ELOVL2: variants seen among roughly 807,000 people sequenced by gnomAD.
The protein encoded by ELOVL2 is very long chain fatty acid elongase 2.
A neutral mutation model predicts 37.7 loss-of-function variants in ELOVL2; 38 were observed. That is an observed-to-expected ratio of 1.01 (90% CI 0.78 to 1.32). The LOEUF is 1.32. ELOVL2 is among the 40% of genes most tolerant of loss of function. The probability of loss-of-function intolerance (pLI) is 0.00; values close to 1 mark genes in which losing one functional copy is unlikely to be tolerated. For synonymous variants in ELOVL2, 115 were observed against 122.3 expected, an observed-to-expected ratio of 0.94 and a Z score of 0.40; for missense variants, 352 against 363.6, an observed-to-expected ratio of 0.97 and a Z score of 0.26.
At chr6:11,035,990 T>C (rs565851055) in intron 1 of ELOVL2, among the ~76,000 whole-genome samples, 17 of 152,206 alleles carry the variant, frequency 1.1e-4, no homozygotes, top group Non-Finnish European at 1.9e-4. Context: ...TTAAAGAATA[T>C]GTATTCAACG....
chr6:11,023,003 T>A (rs1782788316), intron 1 of ELOVL2, among the ~76,000 whole-genome samples: 1 of 152,218 alleles, frequency 6.6e-6, no homozygotes. Context: ...AAGCTTCAAT[T>A]TCATAATTAG....
At chr6:10,996,373 T>C (rs1374768323) in intron 4 of ELOVL2, among the ~76,000 whole-genome samples, 1 of 152,234 alleles carries the variant, frequency 6.6e-6, no homozygotes, top group East Asian at 1.9e-4. Context: ...GAAATCACTA[T>C]ATCTTACTTT....
At chr6:11,012,096 C>CTTATT (rs1194906592) in intron 1 of ELOVL2, among the ~76,000 whole-genome samples, 2 of 152,190 alleles carry the variant, frequency 1.3e-5, no homozygotes, top group Non-Finnish European at 2.9e-5. Context: ...GGACCTATTC[C>CTTATT]TTATTTGTGA....
chr6:10,998,735 C>G (rs12332786), intron 4 of ELOVL2, among the ~76,000 whole-genome samples: 3,470 of 152,094 alleles, frequency 0.023, 153 homozygotes, highest in East Asian at 0.19. Context: ...AGGAAGAGGC[C>G]CATTATCTAA....
chr6:10,996,218 A>T (rs1219535076), intron 4 of ELOVL2, among the ~76,000 whole-genome samples: 1 of 152,236 alleles, frequency 6.6e-6, no homozygotes, highest in Non-Finnish European at 1.5e-5. Flanking sequence ...GACCATCATA[A>T]GGTACGGCCG....
At chr6:11,042,126 A>T (rs1327876912) in intron 1 of ELOVL2, among the ~76,000 whole-genome samples, 1 of 152,154 alleles carries the variant, frequency 6.6e-6, no homozygotes, top group Non-Finnish European at 1.5e-5. Flanking sequence ...CAAACTGGAC[A>T]ACATGGTGAA....
intron 1 of ELOVL2, among the ~76,000 whole-genome samples, chr6:11,042,966 G>A (rs995059671): frequency 6.6e-6 from 1 of 152,174 alleles, no homozygotes; most frequent in African/African-American, 2.4e-5. Context: ...TTCTGGTAGA[G>A]GAGACGTTCA....
intron 3 of ELOVL2, among the ~76,000 whole-genome samples, chr6:11,001,085 T>C (rs989681737): frequency 3.3e-5 from 5 of 152,216 alleles, no homozygotes; most frequent in African/African-American, 1.2e-4. Flanking sequence ...TCTGCTGCCT[T>C]AGAGATGTAT....
intron 1 of ELOVL2, among the ~76,000 whole-genome samples, chr6:11,023,083 T>C (rs1056289819): frequency 1.3e-5 from 2 of 152,244 alleles, no homozygotes; most frequent in African/African-American, 4.8e-5. Flanking sequence ...CTGCTAAGTT[T>C]GCAGTTCAAG....
intron 1 of ELOVL2, among the ~76,000 whole-genome samples, chr6:11,026,032 T>C (rs1029914260): frequency 5.9e-5 from 9 of 152,162 alleles, no homozygotes; most frequent in African/African-American, 4.8e-5. Context: ...GAAACATTCC[T>C]GAGTTTCCTA....
intron 3 of ELOVL2, among the ~76,000 whole-genome samples, chr6:11,001,520 G>T (rs1782381762): frequency 6.6e-6 from 1 of 152,156 alleles, no homozygotes; most frequent in Admixed American, 6.5e-5. Flanking sequence ...TTAACTTTGT[G>T]TACAAGGATT....
At chr6:10,989,976 G>GC (rs2113472699) in intron 6 of ELOVL2, 139 bp from the exon 7 acceptor site, 2 of 956,954 alleles carry the variant, frequency 2.1e-6, no homozygotes, top group East Asian at 2.8e-5. Flanking sequence ...TGCTGAAGCA[G>GC]CCCCCTCATC....
intron 1 of ELOVL2, among the ~76,000 whole-genome samples, chr6:11,038,317 G>A (rs917977412): frequency 1.3e-5 from 2 of 152,038 alleles, no homozygotes; most frequent in African/African-American, 2.4e-5. Context: ...ACACATATAT[G>A]TAAAGTAAAA....
intron 1 of ELOVL2, among the ~76,000 whole-genome samples, chr6:11,029,223 C>CAAAA (rs376639413): frequency 0.015 from 1,130 of 75,724 alleles, 47 homozygotes; most frequent in African/African-American, 0.018. Context: ...AGGGAGATCT[C>CAAAA]AAAAAAAAAA....
At chr6:10,998,754 A>ATCT (rs1191046036) in intron 4 of ELOVL2, among the ~76,000 whole-genome samples, 2 of 152,276 alleles carry the variant, frequency 1.3e-5, no homozygotes, top group African/African-American at 4.8e-5. Flanking sequence ...AAGAAACCTA[A>ATCT]TCTTTTCTGG....
chr6:11,041,211 T>C (rs1370008581), intron 1 of ELOVL2, among the ~76,000 whole-genome samples: 2 of 152,214 alleles, frequency 1.3e-5, no homozygotes, highest in East Asian at 3.8e-4. Flanking sequence ...AGATGATACA[T>C]ATCCAACTGT....
intron 3 of ELOVL2, among the ~76,000 whole-genome samples, chr6:11,005,033 C>G (rs143274995): frequency 6.6e-6 from 1 of 152,134 alleles, no homozygotes; most frequent in Non-Finnish European, 1.5e-5. Flanking sequence ...GTGGGGAGTA[C>G]CTGTAATCCC....
At position 11,005,503 on chromosome 6, in the gene ELOVL2, T is replaced by A; in HGVS notation, c.124A>T (p.Thr42Ser). ...LDSYLPTFFL[T>S]VMYLLSIWLG... ...CATATTGAGAGCAGATACATGACAG[T>A]AAGAAAAAAGGTAGGAAGGTAAGAG... The change falls in exon 3 of 8, where the codon ACT (threonine) becomes TCT (serine). Residue 42 changes from threonine (T) to serine (S), a missense_variant. Coordinates refer to ENST00000354666, the MANE Select transcript of ELOVL2 (RefSeq NM_017770.4). 6.2e-7 allele frequency: 1 copy of A among 1,613,476 alleles called. No homozygotes were observed. Among genetic ancestry groups the A allele is most frequent in the Non-Finnish European group, 8.5e-7 (1 of 1,179,832 alleles).
intron 1 of ELOVL2, among the ~76,000 whole-genome samples, chr6:11,031,188 CCTTA>C (rs1368464193): frequency 1.3e-5 from 2 of 152,096 alleles, no homozygotes; most frequent in African/African-American, 4.8e-5. Flanking sequence ...TTGTCCACCT[CCTTA>C]CTAATGGATA....
Sources: gnomAD v4.1 joint callset for allele counts (sites outside exome capture counted in the v4.1 genomes callset) on GRCh38, gnomAD v4.1.1 for gene constraint, MANE v1.5 for transcripts, NCBI Gene and HGNC (gene_info 2026-07-23, HGNC 2026-07-21) for gene names.